DDX59: variants seen among roughly 807,000 people sequenced by gnomAD.
DDX59 encodes the protein DEAD-box helicase 59, also known as probable ATP-dependent RNA helicase DDX59.
Under a neutral mutation model 51.9 loss-of-function variants are expected in DDX59, and 30 were observed. That is an observed-to-expected ratio of 0.58 (90% CI 0.43 to 0.78). DDX59 has a LOEUF of 0.78. Ranked by LOEUF, DDX59 falls within the 30% of genes least tolerant of loss-of-function variation. The pLI is 0.00. For missense variants in DDX59, 672 were observed against 730.8 expected, an observed-to-expected ratio of 0.92 and a Z score of 0.93; for synonymous variants, 255 against 253.3, an observed-to-expected ratio of 1.01 and a Z score of -0.06.
At chr1:200,650,198 A>C (rs541441515) in intron 5 of DDX59, among the ~76,000 whole-genome samples, 27 of 152,310 alleles carry the variant, frequency 1.8e-4, no homozygotes, top group African/African-American at 6.3e-4. Context: ...CTTGATATTT[A>C]AATATAATTC....
At chr1:200,667,444 T>C (rs918325811) in intron 1 of DDX59, among the ~76,000 whole-genome samples, 6 of 152,190 alleles carry the variant, frequency 3.9e-5, no homozygotes, top group African/African-American at 1.2e-4. Flanking sequence ...ACACTCTTTA[T>C]ATCAAGCTTT....
Position 200,644,305 on chromosome 1 carries a change from A to G in DDX59, c.1809T>C (p.Ala603=). The G allele has an allele frequency of 1.2e-6, 2 of 1,605,698 alleles. No individual in the cohort carries two copies. Among genetic ancestry groups the G allele is most frequent in the Non-Finnish European group, 1.7e-6 (2 of 1,177,042 alleles). The change falls in exon 8 of 8, where the codon GCT becomes GCC. Residue 603 remains alanine, a synonymous_variant. Coordinates refer to ENST00000331314, the MANE Select transcript of DDX59 (RefSeq NM_001031725.6). Reference sequence around the variant, plus strand: ...GTTTTCTGATAATATCCATAAGATTAGCTCCTGTAACCAGATCATTCTGTG... The same window carrying G: ...GTTTTCTGATAATATCCATAAGATTGGCTCCTGTAACCAGATCATTCTGTG... ...KQTQNDLVTG[A]NLMDIIRKHD...
chr1:200,662,779 G>A (rs1662460891), intron 3 of DDX59, among the ~76,000 whole-genome samples: 1 of 152,168 alleles, frequency 6.6e-6, no homozygotes, highest in Non-Finnish European at 1.5e-5. Context: ...ATAAATTTAA[G>A]GCAGAGGTTG....
chr1:200,642,942 G>A (rs914006931), downstream of DDX59, among the ~76,000 whole-genome samples: 1 of 152,222 alleles, frequency 6.6e-6, no homozygotes, highest in African/African-American at 2.4e-5. Context: ...GGAAGATCAT[G>A]TATGTACAGT....
rs200737644 is a variant in DDX59 at position 200,665,503 on chromosome 1, G to GA, written c.804+433dup. ...GGTCCCAAAAAAAGAAAAAGAAAAA[G>GA]AAAAAAAAAGTATATTTTGAAACTC... On this transcript the variant is annotated intron_variant, in intron 2 of 7. Transcript: ENST00000331314. Among the ~76,000 whole-genome samples the GA allele has an allele frequency of 3.8e-3, 568 of 147,700 alleles. 9 individuals are homozygous for GA. The highest frequency in any genetic ancestry group is 6.5e-3 in the Non-Finnish European group (439 of 67,086).
At chr1:200,667,129 G>A (rs2102935020) in intron 1 of DDX59, among the ~76,000 whole-genome samples, 1 of 151,686 alleles carries the variant, frequency 6.6e-6, no homozygotes, top group Non-Finnish European at 1.5e-5. Context: ...AAAAGGCCAG[G>A]CGTGGTGGCT....
intron 4 of DDX59, among the ~76,000 whole-genome samples, chr1:200,653,838 T>C (rs1661825838): frequency 6.6e-6 from 1 of 152,124 alleles, no homozygotes. Flanking sequence ...TTAGCATAAA[T>C]GTCATCTTCT....
chr1:200,641,336 T>C, downstream of DDX59: 1 of 627,280 alleles, frequency 1.6e-6, no homozygotes. Flanking sequence ...AATTAATCAG[T>C]GAGTCACAGT....
At chr1:200,661,351 A>G (rs1436890628) in intron 3 of DDX59, among the ~76,000 whole-genome samples, 1 of 131,688 alleles carries the variant, frequency 7.6e-6, no homozygotes, top group Admixed American at 7.4e-5. Flanking sequence ...ATTTCAAAGT[A>G]CACCTCAAAG....
intron 5 of DDX59, among the ~76,000 whole-genome samples, chr1:200,649,590 T>C (rs56955765): frequency 0.013 from 1,584 of 122,466 alleles, 33 homozygotes; most frequent in African/African-American, 0.047. Flanking sequence ...GACCATGCCA[T>C]AGCACTCCAG....
At chr1:200,657,912 T>C (rs1662134912) in intron 4 of DDX59, among the ~76,000 whole-genome samples, 1 of 151,830 alleles carries the variant, frequency 6.6e-6, no homozygotes, top group Non-Finnish European at 1.5e-5. Context: ...AGCTAAACAC[T>C]GTCTCAAGAA....
At position 200,666,495 on chromosome 1, in the gene DDX59, C is replaced by T. The variant is rs569195410; in HGVS notation, c.246G>A (p.Lys82=). The part of the protein sequence containing the change: ...VHSVSPEQGA[K]DSHPSEEPVK... Reference sequence around the variant, plus strand: ...CGGGCTCTTCAGAAGGATGGCTGTCCTTCGCACCCTGCTCGGGACTTACTG... The same window carrying T: ...CGGGCTCTTCAGAAGGATGGCTGTCTTTCGCACCCTGCTCGGGACTTACTG... The change falls in exon 2 of 8, where the codon AAG becomes AAA. Residue 82 remains lysine (K), a synonymous_variant. Transcript: ENST00000331314. 2.5e-6 allele frequency: 4 copies of T among 1,614,216 alleles called. No homozygotes were observed. The African/African-American group carries it at 4.0e-5, about 16-fold the overall frequency.
intron 4 of DDX59, among the ~76,000 whole-genome samples, chr1:200,656,852 A>T (rs1231359854): frequency 2.6e-5 from 4 of 152,216 alleles, no homozygotes; most frequent in East Asian, 3.9e-4. Context: ...CCAGGAATTC[A>T]AGACCAGCCT....
intron 3 of DDX59, among the ~76,000 whole-genome samples, chr1:200,662,087 C>T (rs1044115962): frequency 1.3e-5 from 2 of 152,298 alleles, no homozygotes; most frequent in Admixed American, 1.3e-4. Context: ...TCCTTAGAGG[C>T]AGAAGCCACT....
chr1:200,660,731 A>T (rs73074961), intron 3 of DDX59, among the ~76,000 whole-genome samples: 1,719 of 152,290 alleles, frequency 0.011, 36 homozygotes, highest in African/African-American at 0.039. Context: ...AGAAAAACAC[A>T]CACTTAGATA....
Position 200,650,688 on chromosome 1 carries a change from T to C in DDX59, c.1063-12A>G. ...AACATGGTATCAGCCTAAAATAAAA[T>C]TGTATTAAAGTTAGTCTTGTTTGAC... is the stretch of plus-strand genomic sequence containing the variant. On this transcript the variant is annotated splice_polypyrimidine_tract_variant and intron_variant, in intron 4 of 7. Transcript: ENST00000331314. The C allele has an allele frequency of 1.3e-6, 2 of 1,592,146 alleles. No individual in the cohort carries two copies. The highest frequency in any genetic ancestry group is 1.7e-6 in the Non-Finnish European group (2 of 1,165,978).
At chr1:200,669,073 C>T (rs934269958) in intron 1 of DDX59, among the ~76,000 whole-genome samples, 1 of 152,210 alleles carries the variant, frequency 6.6e-6, no homozygotes, top group Non-Finnish European at 1.5e-5. Flanking sequence ...TCACTTGAAT[C>T]TGGCTCAAAA....
At position 200,667,697 on chromosome 1, in the gene DDX59, A is replaced by T. The variant is rs555430244; in HGVS notation, c.-11-946T>A. 1.7e-3 allele frequency among the ~76,000 whole-genome samples: 259 copies of T among 152,320 alleles called. 2 individuals are homozygous for T. Among genetic ancestry groups the T allele is most frequent in the African/African-American group, 6.1e-3 (254 of 41,548 alleles). On this transcript the variant is annotated intron_variant, in intron 1 of 7. Transcript: ENST00000331314. ...TTAGAATCTTTAAAATCAAAGCCAC[A>T]AATCATAGAGAAAATGCTATTTTCA...
chr1:200,661,851 C>A (rs1283768121), intron 3 of DDX59, among the ~76,000 whole-genome samples: 1 of 152,146 alleles, frequency 6.6e-6, no homozygotes, highest in Non-Finnish European at 1.5e-5. Context: ...AACTGTAATC[C>A]CCAATGTTGG....
Sources: allele counts gnomAD v4.1 joint callset (sites outside exome capture counted in the v4.1 genomes callset), GRCh38; gene constraint gnomAD v4.1.1; transcripts MANE v1.5; gene names NCBI Gene and HGNC (gene_info 2026-07-23, HGNC 2026-07-21).